Variants in CYP2C19 observed in about 807,000 individuals in gnomAD.
The protein encoded by CYP2C19 is cytochrome P450 2C19.
A neutral mutation model predicts 40.9 loss-of-function variants in CYP2C19; 59 were observed. The ratio of observed to expected loss-of-function variants is 1.44; its 90% CI spans 1.17 to 1.79. The LOEUF is 1.79. CYP2C19 is among the 40% of genes most tolerant of loss of function. The pLI is 0.00. For missense variants in CYP2C19, 754 were observed against 596.9 expected (o/e 1.26, Z -2.74); for synonymous variants, 253 against 208.7 (o/e 1.21, Z -1.83).
chr10:94,824,195 T>A (rs1849174839), intron 6 of CYP2C19, among the ~76,000 whole-genome samples: 1 of 152,124 alleles, frequency 6.6e-6, no homozygotes, highest in African/African-American at 2.4e-5. Context: ...ATATAAGCAA[T>A]GAATACTGAT....
At chr10:94,818,905 T>C (rs1227859592) in intron 5 of CYP2C19, among the ~76,000 whole-genome samples, 1 of 152,158 alleles carries the variant, frequency 6.6e-6, no homozygotes, top group Non-Finnish European at 1.5e-5. Flanking sequence ...CTGATTGCCC[T>C]GGCCAGAACT....
At position 94,780,581 on chromosome 10, in the gene CYP2C19, T is replaced by C; in HGVS notation, c.564T>C (p.Asp188=). ...CCATTATTTTCCAGAAACGTTTCGA[T>C]TATAAAGATCAGCAATTTCTTAACT... ...ICSIIFQKRF[D]YKDQQFLNLM... is the part of the protein sequence containing the mutation. The change falls in exon 4 of 9, where the codon GAT becomes GAC. Residue 188 remains aspartate (D), a synonymous_variant. Coordinates refer to ENST00000371321, the MANE Select transcript of CYP2C19 (RefSeq NM_000769.4). The C allele has an allele frequency of 6.2e-7, 1 of 1,613,914 alleles. No homozygotes were observed. Among genetic ancestry groups the C allele is most frequent in the Non-Finnish European group, 8.5e-7 (1 of 1,179,910 alleles).
At chr10:94,850,456 G>C (rs948712118) in intron 8 of CYP2C19, among the ~76,000 whole-genome samples, 1 of 152,132 alleles carries the variant, frequency 6.6e-6, no homozygotes, top group Non-Finnish European at 1.5e-5. Flanking sequence ...GGCTGGGCTT[G>C]TAGGATAAAA....
At chr10:94,794,322 C>T (rs929860859) in intron 5 of CYP2C19, among the ~76,000 whole-genome samples, 5 of 152,130 alleles carry the variant, frequency 3.3e-5, no homozygotes, top group African/African-American at 9.6e-5. Flanking sequence ...TGAGGCGATG[C>T]CCTGCCCTGC....
rs554211738 is a variant in CYP2C19 at position 94,765,472 on chromosome 10, C to G, written c.168+2599C>G. ...TTTGTTGTTTTCATTTTCCCATACTCCTAGAGTACTTGCCAAGGTAGCTCT... is the reference window on the plus strand; with the variant it reads ...TTTGTTGTTTTCATTTTCCCATACTGCTAGAGTACTTGCCAAGGTAGCTCT... On this transcript the variant is annotated intron_variant, in intron 1 of 8. Transcript: ENST00000371321. 5.3e-5 allele frequency among the ~76,000 whole-genome samples: 8 copies of G among 152,200 alleles called. No homozygotes were observed. In the South Asian group the frequency reaches 1.0e-3, roughly 20 times the overall value.
chr10:94,827,914 G>C (rs1252350003), intron 6 of CYP2C19, among the ~76,000 whole-genome samples: 1 of 151,578 alleles, frequency 6.6e-6, no homozygotes. Flanking sequence ...CCTTCATTTC[G>C]TTATGTACCC....
chr10:94,793,370 T>G (rs537460334), intron 5 of CYP2C19, among the ~76,000 whole-genome samples: 1 of 152,320 alleles, frequency 6.6e-6, no homozygotes, highest in South Asian at 2.1e-4. Context: ...CTCGTGAAAG[T>G]CATTCTCTGT....
intron 8 of CYP2C19, among the ~76,000 whole-genome samples, chr10:94,851,236 G>C (rs1589380071): frequency 1.3e-5 from 2 of 148,374 alleles, no homozygotes; most frequent in South Asian, 4.2e-4. Context: ...TTTCATGGAA[G>C]AGCAGGAGAG....
chr10:94,840,722 C>A (rs1357546163), intron 6 of CYP2C19, among the ~76,000 whole-genome samples: 1 of 151,854 alleles, frequency 6.6e-6, no homozygotes, highest in Admixed American at 6.6e-5. Flanking sequence ...GAGTTCGGGA[C>A]AACAGCTTTC....
intron 5 of CYP2C19, among the ~76,000 whole-genome samples, chr10:94,794,355 G>A (rs984818279): frequency 2.6e-5 from 4 of 152,110 alleles, no homozygotes; most frequent in East Asian, 1.9e-4. Flanking sequence ...TCCATGGGCT[G>A]TACCCATTGT....
In CYP2C19 at chr10:94,772,942, C is replaced by T. The variant is rs552882131; in HGVS notation, c.169-2116C>T. ...GACTACAGGCGCCCGCCACCGCGCC[C>T]GGCTAATTTTTTGTATTTTTAGTAG... On this transcript the variant is annotated intron_variant, in intron 1 of 8. Transcript: ENST00000371321. Among the ~76,000 whole-genome samples the T allele has an allele frequency of 2.4e-3, 365 of 152,256 alleles. 1 individual carries two copies. The highest frequency in any genetic ancestry group is 6.8e-3 in the Middle Eastern group (2 of 294).
At chr10:94,847,554 T>C (rs1352018480) in intron 7 of CYP2C19, among the ~76,000 whole-genome samples, 4 of 152,204 alleles carry the variant, frequency 2.6e-5, no homozygotes, top group Non-Finnish European at 4.4e-5. Flanking sequence ...GCATGTGTCT[T>C]TATAGTAGCA....
At chr10:94,813,058 C>T (rs1476352948) in intron 5 of CYP2C19, among the ~76,000 whole-genome samples, 1 of 151,612 alleles carries the variant, frequency 6.6e-6, no homozygotes, top group Non-Finnish European at 1.5e-5. Flanking sequence ...TTTGCGTGGA[C>T]ATCCTTTTTG....
chr10:94,789,132 C>T lies in CYP2C19; in HGVS notation c.819+7135C>T, dbSNP rs115338222. ...CTTTTTTTCATATGTTTTTTGGCCA[C>T]ATAGATGTCTTCTTTTGAGAAGGGT... On this transcript the variant is annotated intron_variant, in intron 5 of 8. Coordinates refer to ENST00000371321, the MANE Select transcript of CYP2C19 (RefSeq NM_000769.4). 3.1e-3 allele frequency among the ~76,000 whole-genome samples: 474 copies of T among 152,128 alleles called. 3 individuals carry two copies. Among genetic ancestry groups the T allele is most frequent in the African/African-American group, 0.011 (451 of 41,548 alleles).
intron 5 of CYP2C19, 58 bp from the exon 6 acceptor site, chr10:94,820,438 C>T: frequency 6.3e-7 from 1 of 1,587,498 alleles, no homozygotes; most frequent in Non-Finnish European, 8.6e-7. Context: ...TTTGAATTTA[C>T]TGTCATCAAA....
chr10:94,780,747 G>C, intron 4 of CYP2C19, 88 bp downstream of exon 4: 2 of 1,446,556 alleles, frequency 1.4e-6, no homozygotes, highest in Middle Eastern at 1.8e-4. Context: ...AAGCCCTGAA[G>C]TACATTTTTG....
At chr10:94,833,155 C>A (rs1226991242) in intron 6 of CYP2C19, among the ~76,000 whole-genome samples, 2 of 152,174 alleles carry the variant, frequency 1.3e-5, no homozygotes, top group East Asian at 1.9e-4. Flanking sequence ...TAATAATTAT[C>A]TTGTGGAATC....
intron 5 of CYP2C19, among the ~76,000 whole-genome samples, chr10:94,800,804 T>G (rs1211329380): frequency 6.6e-6 from 1 of 152,220 alleles, no homozygotes; most frequent in East Asian, 1.9e-4. Flanking sequence ...CAAGGCTCCA[T>G]GGGCATGGGA....
In CYP2C19 at chr10:94,780,661, T is replaced by C. The variant is rs1402465790; in HGVS notation, c.642+2T>C. The C allele has an allele frequency of 6.2e-7, 1 of 1,613,326 alleles. No individual in the cohort carries two copies. Among genetic ancestry groups the C allele is most frequent in the Admixed American group, 1.7e-5 (1 of 59,908 alleles). ...ATTGTAAGCACCCCCTGGATCCAGGTAAGGCCAAGTTTTTTGCTTCCTGAG... is the reference window on the plus strand; with the variant it reads ...ATTGTAAGCACCCCCTGGATCCAGGCAAGGCCAAGTTTTTTGCTTCCTGAG... On this transcript the variant is annotated splice_donor_variant, in intron 4 of 8. Transcript: ENST00000371321. LOFTEE classifies it high-confidence loss of function.
Sources: gnomAD v4.1 joint callset for allele counts (sites outside exome capture counted in the v4.1 genomes callset) on GRCh38, gnomAD v4.1.1 for gene constraint, MANE v1.5 for transcripts, NCBI Gene and HGNC (gene_info 2026-07-23, HGNC 2026-07-21) for gene names.